CHN1: variants seen among roughly 807,000 people sequenced by gnomAD.
The protein encoded by CHN1 is chimerin 1, also known as N-chimaerin.
In CHN1, 37 loss-of-function variants were observed where a neutral mutation model predicts 59.5. The ratio of observed to expected loss-of-function variants is 0.62; its 90% CI spans 0.48 to 0.82. CHN1 has a LOEUF of 0.82. Among genes scored for constraint, CHN1 ranks in the 40% least tolerant of loss-of-function variants. The pLI is 0.00. For synonymous variants in CHN1, 206 were observed against 200.4 expected (o/e 1.03, Z -0.24); for missense variants, 469 against 571.0 (o/e 0.82, Z 1.82).
chr2:174,921,862 C>T (rs557550753), intron 3 of CHN1, among the ~76,000 whole-genome samples: 2 of 152,272 alleles, frequency 1.3e-5, no homozygotes, highest in East Asian at 1.9e-4. Context: ...CTGGGTCCCT[C>T]GCCCAACAAA....
chr2:174,984,471 C>T (rs545071146), intron 1 of CHN1, among the ~76,000 whole-genome samples: 7 of 149,428 alleles, frequency 4.7e-5, no homozygotes, highest in African/African-American at 7.4e-5. Context: ...CCGGTTGAAG[C>T]GATTCTCCTG....
chr2:174,854,306 G>A (rs773334243), intron 6 of CHN1, among the ~76,000 whole-genome samples: 12 of 151,366 alleles, frequency 7.9e-5, no homozygotes, highest in African/African-American at 1.2e-4. Context: ...CATTGCCTAT[G>A]TCACTGAAAA....
intron 1 of CHN1, among the ~76,000 whole-genome samples, chr2:174,988,874 T>A (rs1038322480): frequency 7.2e-5 from 11 of 152,190 alleles, no homozygotes; most frequent in Admixed American, 5.9e-4. Context: ...TAGACTTTAT[T>A]TCAGTTCACA....
chr2:174,926,105 T>C (rs930459617), intron 3 of CHN1, among the ~76,000 whole-genome samples: 9 of 152,218 alleles, frequency 5.9e-5, no homozygotes, highest in African/African-American at 1.7e-4. Context: ...AATAAATAAC[T>C]GAACAGCAGA....
At chr2:174,923,263 C>A (rs1689070556) in intron 3 of CHN1, among the ~76,000 whole-genome samples, 2 of 152,066 alleles carry the variant, frequency 1.3e-5, no homozygotes, top group Non-Finnish European at 2.9e-5. Context: ...GCCTCAGCCT[C>A]CTGAGTAGCT....
At chr2:174,967,441 T>C (rs212368) in intron 1 of CHN1, among the ~76,000 whole-genome samples, 7,410 of 152,282 alleles carry the variant, frequency 0.049, 589 homozygotes, top group African/African-American at 0.17. Context: ...ACGTTATATA[T>C]GTTTTACTAC....
chr2:174,847,673 A>G (rs748959684), intron 6 of CHN1: 14 of 1,315,098 alleles, frequency 1.1e-5, no homozygotes, highest in Non-Finnish European at 8.0e-6. Flanking sequence ...GAGATAACCA[A>G]TGAAAATCAA....
At chr2:174,908,385 T>C (rs1210435703) in intron 5 of CHN1, among the ~76,000 whole-genome samples, 1 of 152,208 alleles carries the variant, frequency 6.6e-6, no homozygotes, top group East Asian at 1.9e-4. Context: ...CCAGCAATGA[T>C]CTTTCTAAAT....
chr2:174,936,080 G>C (rs1293210831), intron 3 of CHN1, among the ~76,000 whole-genome samples: 1 of 152,124 alleles, frequency 6.6e-6, no homozygotes. Context: ...TAATAGCACT[G>C]ACTTGTGTTT....
intron 6 of CHN1, among the ~76,000 whole-genome samples, chr2:174,871,508 T>C (rs1047732563): frequency 6.6e-6 from 1 of 152,068 alleles, no homozygotes; most frequent in Admixed American, 6.6e-5. Flanking sequence ...AGGTGTCGAG[T>C]CACAAATGAA....
chr2:174,987,930 G>T (rs145516080), intron 1 of CHN1, among the ~76,000 whole-genome samples: 80 of 152,258 alleles, frequency 5.3e-4, no homozygotes, highest in African/African-American at 1.7e-3. Context: ...AGAGGGAGAT[G>T]TGAGTTTTAA....
At position 174,809,019 on chromosome 2, in the gene CHN1, C is replaced by A; in HGVS notation, c.988G>T (p.Val330Leu). 6.2e-7 allele frequency: 1 copy of A among 1,609,250 alleles called. No individual in the cohort carries two copies. Among genetic ancestry groups the A allele is most frequent in the Non-Finnish European group, 8.5e-7 (1 of 1,177,924 alleles). The change falls in exon 11 of 13, where the codon GTG becomes TTG. Residue 330 changes from valine (V) to leucine (L), a missense_variant. By Grantham distance (32) the Val-to-Leu change is conservative. Transcript: ENST00000409900. ...DRDGEKADIS[V>L]NMYEDINIIT... The stretch of plus-strand genomic sequence containing the variant: ...ATGTTGATATCTTCATACATGTTCA[C>A]AGAAATATCTGCCTTCTCACCATCT...
chr2:174,993,281 T>C (rs760556786), intron 1 of CHN1, among the ~76,000 whole-genome samples: 1 of 152,174 alleles, frequency 6.6e-6, no homozygotes, highest in Non-Finnish European at 1.5e-5. Flanking sequence ...TGCTTGTTCA[T>C]GTTATATTCG....
At chr2:174,936,886 T>C (rs903113234) in intron 3 of CHN1, among the ~76,000 whole-genome samples, 32 of 152,304 alleles carry the variant, frequency 2.1e-4, no homozygotes, top group African/African-American at 7.5e-4. Flanking sequence ...CCTAAAATAA[T>C]TAGTTGTGGC....
intron 6 of CHN1, among the ~76,000 whole-genome samples, chr2:174,858,025 T>G (rs969571704): frequency 6.6e-6 from 1 of 152,182 alleles, no homozygotes; most frequent in Non-Finnish European, 1.5e-5. Flanking sequence ...TGAGGTTATT[T>G]CAAGTTATTG....
intron 3 of CHN1, among the ~76,000 whole-genome samples, chr2:174,943,683 ATATT>A (rs1233334710): frequency 6.6e-6 from 1 of 152,088 alleles, no homozygotes; most frequent in Non-Finnish European, 1.5e-5. Context: ...ACTCCTTATC[ATATT>A]ATTATGATAA....
intron 5 of CHN1, among the ~76,000 whole-genome samples, chr2:174,899,088 C>T (rs1179613615): frequency 3.3e-5 from 5 of 152,152 alleles, no homozygotes; most frequent in African/African-American, 9.7e-5. Flanking sequence ...GACCCCCACA[C>T]AGCCTTGTTA....
chr2:174,978,025 A>G (rs1204004301), intron 1 of CHN1, among the ~76,000 whole-genome samples: 1 of 152,264 alleles, frequency 6.6e-6, no homozygotes, highest in Non-Finnish European at 1.5e-5. Context: ...GTCAAAGTAT[A>G]TAAAGATTTA....
At chr2:174,952,141 C>CA (rs879278527) in intron 2 of CHN1, 23 bp downstream of exon 2, 1 of 1,375,380 alleles carries the variant, frequency 7.3e-7, no homozygotes, top group African/African-American at 1.5e-5. Flanking sequence ...CACTATAACC[C>CA]ACACAATTAT....
Sources: allele counts gnomAD v4.1 joint callset (sites outside exome capture counted in the v4.1 genomes callset), GRCh38; gene constraint gnomAD v4.1.1; transcripts MANE v1.5; gene names NCBI Gene and HGNC (gene_info 2026-07-23, HGNC 2026-07-21).